Variants in GSE1 observed in about 807,000 individuals in gnomAD.
GSE1 encodes the protein genetic suppressor element 1.
GSE1 carries 32 observed loss-of-function variants against 112.6 expected under a neutral mutation model. The observed-to-expected ratio is 0.28, with a 90% CI of 0.21 to 0.38. GSE1 has a LOEUF of 0.38. GSE1 is among the 10% of genes least tolerant of loss of function. The pLI is 1.00. For synonymous variants in GSE1, 1,115 were observed against 735.6 expected (o/e 1.52, Z -8.35); for missense variants, 2,348 against 1,699.2 (o/e 1.38, Z -6.71).
chr16:85,467,488 G>A (rs925325060), intron 2 of GSE1, among the ~76,000 whole-genome samples: 12 of 152,194 alleles, frequency 7.9e-5, no homozygotes, highest in African/African-American at 2.9e-4. Flanking sequence ...ACGGGGGCTG[G>A]GTTGGGGAGC....
At chr16:85,633,879 C>T (rs1255967280) in intron 1 of GSE1, 35 bp from the exon 2 acceptor site, 2 of 1,561,170 alleles carry the variant, frequency 1.3e-6, no homozygotes, top group Admixed American at 1.7e-5. Context: ...CTCCTGCTCT[C>T]TGGGTGACCT....
intron 1 of GSE1, among the ~76,000 whole-genome samples, chr16:85,603,253 CAG>C (rs1457816991): frequency 6.6e-6 from 1 of 152,204 alleles, no homozygotes; most frequent in African/African-American, 2.4e-5. Flanking sequence ...CTTGGGTCCA[CAG>C]AGAGGGCACC....
intron 1 of GSE1, among the ~76,000 whole-genome samples, chr16:85,242,606 G>A (rs1905252636): frequency 6.6e-6 from 1 of 152,224 alleles, no homozygotes; most frequent in African/African-American, 2.4e-5. Flanking sequence ...CTGGGCTTGA[G>A]GGAGCAGCCC....
intron 1 of GSE1, among the ~76,000 whole-genome samples, chr16:85,235,711 C>T (rs542689197): frequency 1.1e-4 from 17 of 151,900 alleles, no homozygotes; most frequent in African/African-American, 3.1e-4. Flanking sequence ...GCGTTCTGGC[C>T]CCTTCCCCTC....
chr16:85,673,425 TTGTTTGTTTTTCC>T lies in GSE1; in HGVS notation c.*893_*905del, dbSNP rs1206540454. 1.3e-5 allele frequency: 2 copies of T among 152,450 alleles called. No homozygotes were observed. The highest frequency in any genetic ancestry group is 2.9e-5 in the Non-Finnish European group (2 of 68,006). 9.4% of individuals were successfully genotyped at this position (152,450 alleles called of 1,614,324 possible). A position where few individuals can be genotyped will look rare whatever the true frequency, so the allele number is the denominator to read the frequency against. On this transcript the variant is annotated 3_prime_UTR_variant, in exon 16 of 16. Coordinates refer to ENST00000253458, the MANE Select transcript of GSE1 (RefSeq NM_014615.5). ...TTTTAATATGTGGTTTGGGGGATTT[TTGTTTGTTTTTCC>T]TGTTTGGGGGTTTTGTTTGTTGTTT...
intron 2 of GSE1, among the ~76,000 whole-genome samples, chr16:85,390,796 C>T (rs2047822935): frequency 6.6e-6 from 1 of 151,486 alleles, no homozygotes; most frequent in African/African-American, 2.4e-5. Flanking sequence ...ATTTACCTCC[C>T]GGCTCCTCTG....
At chr16:85,601,640 A>G in intron 1 of GSE1, among the ~76,000 whole-genome samples, 2 of 152,220 alleles carry the variant, frequency 1.3e-5, no homozygotes, top group East Asian at 3.8e-4. Flanking sequence ...ACTTCGAGCG[A>G]TGAAAACAAC....
upstream of GSE1, among the ~76,000 whole-genome samples, chr16:85,610,564 T>C (rs898517767): frequency 6.6e-6 from 1 of 152,178 alleles, no homozygotes; most frequent in Admixed American, 6.5e-5. Context: ...TGCTCCGGAT[T>C]ACTAATTTCC....
chr16:85,565,425 C>CAAA (rs1567595124), intron 1 of GSE1, among the ~76,000 whole-genome samples: 4 of 147,740 alleles, frequency 2.7e-5, no homozygotes, highest in African/African-American at 1.1e-4. Context: ...ACAAAAAAAC[C>CAAA]ACCAACCAAC....
intron 2 of GSE1, among the ~76,000 whole-genome samples, chr16:85,511,470 G>C (rs1054542085): frequency 1.1e-4 from 17 of 151,380 alleles, no homozygotes; most frequent in Admixed American, 9.9e-4. Context: ...GGAGGTTGCA[G>C]TGAGTCGAGA....
intron 2 of GSE1, among the ~76,000 whole-genome samples, chr16:85,384,970 C>G (rs538866885): frequency 1.8e-4 from 27 of 152,386 alleles, no homozygotes; most frequent in Admixed American, 5.9e-4. Context: ...GCGTGCTGTG[C>G]ACACCTGCCC....
intron 1 of GSE1, among the ~76,000 whole-genome samples, chr16:85,340,534 G>T (rs756180128): frequency 6.6e-6 from 1 of 152,122 alleles, no homozygotes; most frequent in Admixed American, 6.5e-5. Flanking sequence ...CCAGACACTC[G>T]GGAGGCTGAG....
At chr16:85,633,759 G>A (rs949040151) in intron 1 of GSE1, among the ~76,000 whole-genome samples, 155 bp from the exon 2 acceptor site, 2 of 152,134 alleles carry the variant, frequency 1.3e-5, no homozygotes, top group Non-Finnish European at 2.9e-5. Flanking sequence ...TCTCTGCAGC[G>A]CTGGCTCTGT....
chr16:85,230,228 G>A (rs377711782), intron 1 of GSE1, among the ~76,000 whole-genome samples: 4 of 152,214 alleles, frequency 2.6e-5, no homozygotes, highest in African/African-American at 9.7e-5. Flanking sequence ...TGCCTGTGCC[G>A]TCTGGTTTGT....
chr16:85,426,919 G>A (rs557540788), intron 2 of GSE1, among the ~76,000 whole-genome samples: 1 of 152,312 alleles, frequency 6.6e-6, no homozygotes, highest in Admixed American at 6.5e-5. Flanking sequence ...ACAGAACATG[G>A]ACTGTGGTGT....
intron 2 of GSE1, among the ~76,000 whole-genome samples, chr16:85,437,016 C>G (rs2049263236): frequency 6.6e-6 from 1 of 152,242 alleles, no homozygotes; most frequent in Non-Finnish European, 1.5e-5. Context: ...GGCCTACTCC[C>G]CTCCCCAGCG....
intron 1 of GSE1, among the ~76,000 whole-genome samples, chr16:85,354,347 A>G (rs2046908066): frequency 6.6e-6 from 1 of 152,204 alleles, no homozygotes. Context: ...TCCTGCCTCC[A>G]TGCCTTGTTG....
intron 1 of GSE1, among the ~76,000 whole-genome samples, chr16:85,579,802 C>G (rs1051913482): frequency 6.6e-6 from 1 of 152,170 alleles, no homozygotes; most frequent in Admixed American, 6.5e-5. Flanking sequence ...CCTGAAAGAT[C>G]GTCTAGGCTT....
At chr16:85,417,448 G>A (rs1436634424) in intron 2 of GSE1, among the ~76,000 whole-genome samples, 1 of 152,228 alleles carries the variant, frequency 6.6e-6, no homozygotes. Context: ...GCCTGGAGAG[G>A]GTCAGAGCAC....
Sources: gnomAD v4.1 joint callset for allele counts (sites outside exome capture counted in the v4.1 genomes callset) on GRCh38, gnomAD v4.1.1 for gene constraint, MANE v1.5 for transcripts, NCBI Gene and HGNC (gene_info 2026-07-23, HGNC 2026-07-21) for gene names.